The following SOX5 variants were observed in gnomAD, a reference collection of about 807,000 sequenced individuals.
The protein encoded by SOX5 is transcription factor SOX-5.
In SOX5, 9 loss-of-function variants were observed where a neutral mutation model predicts 92.0. That is an observed-to-expected ratio of 0.10 (90% CI 0.06 to 0.17). The LOEUF (loss-of-function observed/expected upper bound fraction) is 0.17, where lower values mean the gene tolerates loss of function less well. Among genes scored for constraint, SOX5 ranks in the 10% least tolerant of loss-of-function variants. SOX5 has a pLI of 1.00. For synonymous variants in SOX5, 344 were observed against 336.3 expected (o/e 1.02, Z -0.25); for missense variants, 642 against 944.5 (o/e 0.68, Z 4.20).
At chr12:23,826,794 G>T (rs908051011) in intron 3 of SOX5, among the ~76,000 whole-genome samples, 1 of 152,130 alleles carries the variant, frequency 6.6e-6, no homozygotes, top group African/African-American at 2.4e-5. Context: ...TCTTCCACAT[G>T]ACTAATGTCA....
chr12:23,892,949 C>T (rs1027014117), intron 2 of SOX5, among the ~76,000 whole-genome samples: 5 of 152,230 alleles, frequency 3.3e-5, no homozygotes, highest in African/African-American at 7.2e-5. Flanking sequence ...TTCAAGGCTA[C>T]GGTGAGCTAT....
chr12:23,825,934 T>TAGTTAAGTATTAATTTACA (rs1170857096), intron 3 of SOX5, among the ~76,000 whole-genome samples: 1 of 152,222 alleles, frequency 6.6e-6, no homozygotes, highest in African/African-American at 2.4e-5. Context: ...TAATATTCTT[T>TAGTTAAGTATTAATTTACA]ATTAACTCCT....
intron 4 of SOX5, among the ~76,000 whole-genome samples, chr12:23,752,456 G>T (rs974838921): frequency 2.0e-5 from 3 of 151,824 alleles, no homozygotes; most frequent in African/African-American, 7.2e-5. Flanking sequence ...TACAAATTTT[G>T]CAATTACTTT....
intron 3 of SOX5, among the ~76,000 whole-genome samples, chr12:23,808,051 T>A (rs531981089): frequency 6.6e-6 from 1 of 152,090 alleles, no homozygotes; most frequent in Admixed American, 6.6e-5. Flanking sequence ...ATCTCAATAG[T>A]TACCAGAATA....
At chr12:24,115,446 A>T (rs1947886860) in intron 4 of SOX5, among the ~76,000 whole-genome samples, 1 of 152,236 alleles carries the variant, frequency 6.6e-6, no homozygotes, top group Non-Finnish European at 1.5e-5. Flanking sequence ...GGTAAGTTAC[A>T]TGAAGATGTA....
At chr12:24,519,160 G>A (rs2955487) in intron 1 of SOX5, among the ~76,000 whole-genome samples, 2 of 151,848 alleles carry the variant, frequency 1.3e-5, no homozygotes. Flanking sequence ...TTTTTGCTAC[G>A]TGAATTTTTT....
intron 1 of SOX5, among the ~76,000 whole-genome samples, chr12:24,475,213 C>T (rs371117572): frequency 1.3e-5 from 2 of 152,284 alleles, no homozygotes; most frequent in East Asian, 3.9e-4. Context: ...TTTAGTTCTA[C>T]ACTTCATTTG....
intron 1 of SOX5, among the ~76,000 whole-genome samples, chr12:24,432,068 T>C (rs1434038880): frequency 6.6e-6 from 1 of 152,102 alleles, no homozygotes; most frequent in Non-Finnish European, 1.5e-5. Context: ...ACCTCAGGAA[T>C]CCCAAAGATT....
intron 3 of SOX5, among the ~76,000 whole-genome samples, chr12:23,810,260 C>G (rs909973989): frequency 5.3e-5 from 8 of 152,130 alleles, no homozygotes; most frequent in Admixed American, 1.3e-4. Context: ...GTGTGGCATG[C>G]AGCACACGGT....
intron 7 of SOX5, among the ~76,000 whole-genome samples, chr12:23,663,998 T>C (rs2083427943): frequency 6.6e-6 from 1 of 152,130 alleles, no homozygotes; most frequent in Non-Finnish European, 1.5e-5. Flanking sequence ...GCAAAAGCAG[T>C]ATGAAAATCT....
chr12:24,460,602 T>C (rs1943515380), intron 1 of SOX5: 1 of 152,232 alleles, frequency 6.6e-6, no homozygotes, highest in African/African-American at 2.4e-5. Flanking sequence ...TTACTCAGTT[T>C]AGAAATCTCC....
chr12:24,554,220 A>G (rs982147546), intron 1 of SOX5, among the ~76,000 whole-genome samples: 1 of 152,230 alleles, frequency 6.6e-6, no homozygotes, highest in Non-Finnish European at 1.5e-5. Context: ...CTAGGCAGAC[A>G]TCGGATTTTG....
chr12:23,661,179 A>T (rs562576397), intron 7 of SOX5, among the ~76,000 whole-genome samples: 4 of 152,324 alleles, frequency 2.6e-5, no homozygotes, highest in Admixed American at 6.5e-5. Flanking sequence ...GCGGATTTTT[A>T]AAATTTCCAC....
At chr12:23,812,991 A>C (rs576815119) in intron 3 of SOX5, among the ~76,000 whole-genome samples, 27 of 152,334 alleles carry the variant, frequency 1.8e-4, no homozygotes, top group African/African-American at 5.5e-4. Flanking sequence ...TTTCTCTCAC[A>C]TTCAGTGCTG....
In SOX5 at chr12:23,533,373, C is replaced by A; in HGVS notation, c.*846G>T. 4.0e-6 allele frequency: 1 copy of A among 247,730 alleles called. No individual in the cohort carries two copies. Among genetic ancestry groups the A allele is most frequent in the South Asian group, 4.2e-5 (1 of 23,532 alleles). The allele number at this position is 247,730 out of a possible 1,614,324, so 15.3% of individuals were successfully genotyped here. ...TTTCCATTAAAAAAAAAAGTCAAAT[C>A]TCACCAGCTGCTGGTATTTCAGGTT... is the stretch of plus-strand genomic sequence containing the variant. On this transcript the variant is annotated 3_prime_UTR_variant, in exon 15 of 15. Coordinates refer to ENST00000451604, the MANE Select transcript of SOX5 (RefSeq NM_006940.6).
chr12:24,085,282 A>T (rs908514258), intron 4 of SOX5, among the ~76,000 whole-genome samples: 1 of 152,084 alleles, frequency 6.6e-6, no homozygotes, highest in East Asian at 1.9e-4. Context: ...AAACTACACA[A>T]TGTAATGTGG....
intron 2 of SOX5, among the ~76,000 whole-genome samples, chr12:24,320,316 T>C (rs1950085704): frequency 6.6e-6 from 1 of 152,200 alleles, no homozygotes; most frequent in East Asian, 1.9e-4. Context: ...TTTACCAAGT[T>C]TTCCTTTATA....
intron 4 of SOX5, among the ~76,000 whole-genome samples, chr12:23,957,981 C>G (rs1946472449): frequency 6.6e-6 from 1 of 151,930 alleles, no homozygotes; most frequent in South Asian, 2.1e-4. Context: ...TGAAAAACAC[C>G]TAACTGTTAA....
At chr12:24,147,737 C>T (rs548163914) in intron 4 of SOX5, among the ~76,000 whole-genome samples, 29 of 151,904 alleles carry the variant, frequency 1.9e-4, no homozygotes, top group Non-Finnish European at 4.3e-4. Context: ...GATCAATAAA[C>T]AACAATTAGC....
Sources: allele counts gnomAD v4.1 joint callset (sites outside exome capture counted in the v4.1 genomes callset), GRCh38; gene constraint gnomAD v4.1.1; transcripts MANE v1.5; gene names NCBI Gene and HGNC (gene_info 2026-07-23, HGNC 2026-07-21).